GALNTL6: variants seen among roughly 807,000 people sequenced by gnomAD.
The protein encoded by GALNTL6 is polypeptide N-acetylgalactosaminyltransferase-like 6.
A neutral mutation model predicts 73.7 loss-of-function variants in GALNTL6; 46 were observed. That is an observed-to-expected ratio of 0.62 (90% CI 0.49 to 0.80). GALNTL6 has a LOEUF of 0.80. Ranked by LOEUF, GALNTL6 falls within the 30% of genes least tolerant of loss-of-function variation. GALNTL6 has a pLI of 0.00. For missense variants in GALNTL6, 604 were observed against 755.0 expected (o/e 0.80, Z 2.34); for synonymous variants, 259 against 263.7 (o/e 0.98, Z 0.17).
At chr4:172,163,075 C>T (rs1734522360) in intron 2 of GALNTL6, among the ~76,000 whole-genome samples, 1 of 152,018 alleles carries the variant, frequency 6.6e-6, no homozygotes, top group Admixed American at 6.6e-5. Context: ...GTACATTTCC[C>T]ACCTTGCCCT....
At chr4:172,993,856 A>G (rs750099114) in intron 10 of GALNTL6, among the ~76,000 whole-genome samples, 2 of 152,184 alleles carry the variant, frequency 1.3e-5, no homozygotes, top group Non-Finnish European at 2.9e-5. Context: ...CAGGAGGCGG[A>G]GGTTGCAGTG....
intron 2 of GALNTL6, among the ~76,000 whole-genome samples, chr4:172,025,748 C>A (rs1053567578): frequency 2.0e-5 from 3 of 151,734 alleles, no homozygotes; most frequent in African/African-American, 7.3e-5. Flanking sequence ...TTGATTTATG[C>A]AGAATCACGA....
chr4:172,700,798 T>C (rs924850706), intron 5 of GALNTL6, among the ~76,000 whole-genome samples: 2 of 152,222 alleles, frequency 1.3e-5, no homozygotes, highest in African/African-American at 4.8e-5. Context: ...TAAGCATGAT[T>C]TCTAAACAAA....
At chr4:172,432,175 A>G (rs1272360979) in intron 5 of GALNTL6, among the ~76,000 whole-genome samples, 3 of 152,004 alleles carry the variant, frequency 2.0e-5, no homozygotes, top group Admixed American at 6.6e-5. Flanking sequence ...AGTTTAAATC[A>G]CACAGTGTTG....
chr4:172,193,852 C>T (rs1735662252), intron 2 of GALNTL6, among the ~76,000 whole-genome samples: 1 of 151,988 alleles, frequency 6.6e-6, no homozygotes, highest in African/African-American at 2.4e-5. Flanking sequence ...ACAGAGCAAA[C>T]TCCATCTCAA....
chr4:172,295,746 G>A (rs1415995767), intron 3 of GALNTL6, among the ~76,000 whole-genome samples: 1 of 150,546 alleles, frequency 6.6e-6, no homozygotes, highest in Non-Finnish European at 1.5e-5. Flanking sequence ...CACACACACA[G>A]GTCTACCCAC....
chr4:172,086,770 A>G (rs1422597601), intron 2 of GALNTL6, among the ~76,000 whole-genome samples: 1 of 152,184 alleles, frequency 6.6e-6, no homozygotes, highest in South Asian at 2.1e-4. Context: ...AAAAAATAGC[A>G]AGAACAAATT....
intron 5 of GALNTL6, among the ~76,000 whole-genome samples, chr4:172,379,167 G>T (rs575997495): frequency 6.6e-6 from 1 of 152,258 alleles, no homozygotes; most frequent in Non-Finnish European, 1.5e-5. Flanking sequence ...TCCCATTCTG[G>T]TTCAAACAAT....
intron 3 of GALNTL6, among the ~76,000 whole-genome samples, chr4:172,307,139 T>C (rs1740167832): frequency 6.6e-6 from 1 of 152,202 alleles, no homozygotes; most frequent in South Asian, 2.1e-4. Flanking sequence ...TTTTTGATTT[T>C]TAAATTGTGG....
At chr4:172,390,348 G>T (rs1473969424) in intron 5 of GALNTL6, among the ~76,000 whole-genome samples, 2 of 148,678 alleles carry the variant, frequency 1.3e-5, no homozygotes, top group Non-Finnish European at 3.0e-5. Context: ...TTACAGTAAT[G>T]CTCCCTTACT....
intron 5 of GALNTL6, among the ~76,000 whole-genome samples, chr4:172,791,282 C>T (rs1739982000): frequency 1.3e-5 from 2 of 152,140 alleles, no homozygotes; most frequent in African/African-American, 2.4e-5. Flanking sequence ...ATGAAAGTAA[C>T]TGTTACTGAA....
At chr4:172,391,654 C>G (rs995068733) in intron 5 of GALNTL6, among the ~76,000 whole-genome samples, 1 of 151,816 alleles carries the variant, frequency 6.6e-6, no homozygotes, top group Non-Finnish European at 1.5e-5. Context: ...ACATTCTAAC[C>G]ATAGCAGCAA....
chr4:172,878,637 GT>G (rs942340267), intron 7 of GALNTL6, among the ~76,000 whole-genome samples: 1 of 151,546 alleles, frequency 6.6e-6, no homozygotes, highest in Non-Finnish European at 1.5e-5. Flanking sequence ...GAAACAAGGA[GT>G]TTTTTTATGT....
At chr4:171,856,277 A>ATT (rs35607036) in intron 2 of GALNTL6, among the ~76,000 whole-genome samples, 3 of 145,334 alleles carry the variant, frequency 2.1e-5, no homozygotes, top group African/African-American at 5.1e-5. Context: ...TACTTTTTGT[A>ATT]TTTTTTTTTT....
At chr4:172,757,847 T>C (rs563817925) in intron 5 of GALNTL6, among the ~76,000 whole-genome samples, 12 of 152,366 alleles carry the variant, frequency 7.9e-5, no homozygotes, top group African/African-American at 2.6e-4. Flanking sequence ...GTGATTTATA[T>C]AATTTTTGAT....
At chr4:172,224,201 A>T (rs1445955257) in intron 2 of GALNTL6, among the ~76,000 whole-genome samples, 2 of 152,206 alleles carry the variant, frequency 1.3e-5, no homozygotes, top group African/African-American at 4.8e-5. Context: ...ATCATATATA[A>T]GATTTACTAC....
intron 10 of GALNTL6, among the ~76,000 whole-genome samples, chr4:172,990,336 C>A (rs1751482495): frequency 1.3e-5 from 2 of 152,090 alleles, no homozygotes; most frequent in African/African-American, 4.8e-5. Flanking sequence ...AATTTTTGTT[C>A]ATAGGAGTAT....
chr4:173,034,599 G>A (rs4557236), intron 12 of GALNTL6, among the ~76,000 whole-genome samples: 45,696 of 151,996 alleles, frequency 0.3, 7,162 homozygotes, highest in African/African-American at 0.33. Flanking sequence ...CATTCCCTCT[G>A]GGTGGGAAGG....
At chr4:172,689,722 C>T (rs761532568) in intron 5 of GALNTL6, among the ~76,000 whole-genome samples, 1 of 152,158 alleles carries the variant, frequency 6.6e-6, no homozygotes, top group Non-Finnish European at 1.5e-5. Context: ...TATTCGTCAA[C>T]ATGTTAACCA....
Sources: gnomAD v4.1 joint callset for allele counts (sites outside exome capture counted in the v4.1 genomes callset) on GRCh38, gnomAD v4.1.1 for gene constraint, MANE v1.5 for transcripts, NCBI Gene and HGNC (gene_info 2026-07-23, HGNC 2026-07-21) for gene names.